FNDC3B: variants seen among roughly 807,000 people sequenced by gnomAD.
The protein encoded by FNDC3B is fibronectin type III domain-containing protein 3B.
FNDC3B carries 12 observed loss-of-function variants against 151.5 expected under a neutral mutation model. That is an observed-to-expected ratio of 0.08 (90% CI 0.05 to 0.13). FNDC3B has a LOEUF of 0.13. Ranked by LOEUF, FNDC3B falls within the 10% of genes least tolerant of loss-of-function variation. FNDC3B has a pLI of 1.00. For missense variants in FNDC3B, 1,214 were observed against 1,505.3 expected, an observed-to-expected ratio of 0.81 and a Z score of 3.20; for synonymous variants, 528 against 549.0, an observed-to-expected ratio of 0.96 and a Z score of 0.54.
chr3:172,202,299 C>A (rs1368832802), intron 3 of FNDC3B, among the ~76,000 whole-genome samples: 1 of 152,140 alleles, frequency 6.6e-6, no homozygotes, highest in Non-Finnish European at 1.5e-5. Context: ...TTGAAAAACA[C>A]AGAAATCTTT....
chr3:172,389,985 G>A (rs1246886439), intron 25 of FNDC3B, among the ~76,000 whole-genome samples: 4 of 152,210 alleles, frequency 2.6e-5, no homozygotes, highest in Non-Finnish European at 5.9e-5. Flanking sequence ...GTCTGTGTGT[G>A]CATCTTAATG....
At chr3:172,220,167 C>CTGTG (rs35182544) in intron 3 of FNDC3B, among the ~76,000 whole-genome samples, 22 of 151,190 alleles carry the variant, frequency 1.5e-4, no homozygotes, top group South Asian at 1.0e-3. Flanking sequence ...TTGTTATTTT[C>CTGTG]TGTGTGTGTG....
chr3:172,361,197 CT>C (rs1469863430), intron 22 of FNDC3B, among the ~76,000 whole-genome samples: 3 of 152,204 alleles, frequency 2.0e-5, no homozygotes, highest in African/African-American at 7.2e-5. Context: ...TTTAATCCTG[CT>C]AATCTCTCTA....
Position 172,172,847 on chromosome 3 carries a change from A to G in FNDC3B, c.187+39301A>G, listed in dbSNP as rs148919983. On this transcript the variant is annotated intron_variant, in intron 3 of 25. Coordinates refer to ENST00000415807, the MANE Select transcript of FNDC3B (RefSeq NM_022763.4). ...AAGGGACCTATTTTGCTTCTTTCAT[A>G]TTCTTCGACATTTCCTCAATGAAAG... is the stretch of plus-strand genomic sequence containing the variant. Among the ~76,000 whole-genome samples, 285 of 152,262 alleles carry G rather than the reference A, an allele frequency of 1.9e-3. 1 individual carries two copies. Among genetic ancestry groups the G allele is most frequent in the African/African-American group, 6.4e-3 (267 of 41,548 alleles).
At chr3:172,280,072 G>A (rs1188293834) in intron 6 of FNDC3B, among the ~76,000 whole-genome samples, 5 of 152,106 alleles carry the variant, frequency 3.3e-5, no homozygotes, top group Admixed American at 2.6e-4. Flanking sequence ...GTGCCACCAA[G>A]CCCAGCTAAT....
intron 22 of FNDC3B, among the ~76,000 whole-genome samples, chr3:172,361,822 T>G (rs1734377400): frequency 6.6e-6 from 1 of 152,112 alleles, no homozygotes; most frequent in South Asian, 2.1e-4. Flanking sequence ...ACCACAGGCA[T>G]GTGTCACTAT....
intron 3 of FNDC3B, among the ~76,000 whole-genome samples, chr3:172,176,243 G>T (rs1360351878): frequency 6.6e-6 from 1 of 152,156 alleles, no homozygotes; most frequent in East Asian, 1.9e-4. Context: ...TAAAGCTTTT[G>T]GTTTCTAAGC....
intron 2 of FNDC3B, among the ~76,000 whole-genome samples, chr3:172,116,307 A>G (rs1720242913): frequency 6.6e-6 from 1 of 152,244 alleles, no homozygotes; most frequent in African/African-American, 2.4e-5. Flanking sequence ...CACTGAAAGT[A>G]TACAATCATT....
intron 3 of FNDC3B, among the ~76,000 whole-genome samples, chr3:172,155,254 C>T (rs1381983341): frequency 1.3e-5 from 2 of 152,176 alleles, no homozygotes; most frequent in Non-Finnish European, 2.9e-5. Flanking sequence ...CAGTAAGTCC[C>T]TCTCGTGGAG....
At chr3:172,107,087 G>A (rs1185396258) in intron 1 of FNDC3B, among the ~76,000 whole-genome samples, 3 of 152,138 alleles carry the variant, frequency 2.0e-5, no homozygotes, top group African/African-American at 7.2e-5. Context: ...CCAGTGGCTT[G>A]CTTTCTTAGG....
intron 23 of FNDC3B, among the ~76,000 whole-genome samples, chr3:172,371,045 A>G (rs1734857558): frequency 6.6e-6 from 1 of 152,120 alleles, no homozygotes; most frequent in African/African-American, 2.4e-5. Flanking sequence ...ACGTGTTTCC[A>G]CCATTATAGT....
chr3:172,201,951 C>T (rs145927825), intron 3 of FNDC3B, among the ~76,000 whole-genome samples: 26 of 152,290 alleles, frequency 1.7e-4, no homozygotes, highest in African/African-American at 5.8e-4. Flanking sequence ...AGCTCTACTT[C>T]GTGCATTTTT....
chr3:172,321,376 T>A (rs114890182), intron 11 of FNDC3B, among the ~76,000 whole-genome samples: 212 of 152,374 alleles, frequency 1.4e-3, no homozygotes, highest in African/African-American at 4.9e-3. Flanking sequence ...ATCTTTATCG[T>A]CTAGGAGTCT....
At chr3:172,076,688 TTC>T (rs1718028432) in intron 1 of FNDC3B, among the ~76,000 whole-genome samples, 2 of 151,002 alleles carry the variant, frequency 1.3e-5, no homozygotes, top group African/African-American at 4.9e-5. Context: ...GAAATTATTT[TTC>T]CTGAGGTTCA....
chr3:172,256,399 A>G (rs1313026531), intron 6 of FNDC3B, among the ~76,000 whole-genome samples: 2 of 152,204 alleles, frequency 1.3e-5, no homozygotes, highest in African/African-American at 4.8e-5. Context: ...ATTTTAGAAC[A>G]GTGCTTGGGC....
intron 17 of FNDC3B, 49 bp from the exon 18 acceptor site, chr3:172,342,962 T>C (rs763625896): frequency 1.7e-6 from 2 of 1,188,752 alleles, no homozygotes; most frequent in South Asian, 2.4e-5. Flanking sequence ...AGAGGTCTGA[T>C]AAATTCACAG....
At chr3:172,371,448 A>T (rs1295297076) in intron 23 of FNDC3B, among the ~76,000 whole-genome samples, 1 of 152,164 alleles carries the variant, frequency 6.6e-6, no homozygotes, top group Admixed American at 6.5e-5. Flanking sequence ...TAAATCACCA[A>T]CATTAAAACT....
intron 3 of FNDC3B, among the ~76,000 whole-genome samples, chr3:172,190,043 A>G (rs1002967255): frequency 6.6e-6 from 1 of 152,202 alleles, no homozygotes; most frequent in Admixed American, 6.5e-5. Context: ...TAGCAAGAGC[A>G]GGAATTGGAA....
At chr3:172,319,371 A>G (rs1182222059) in intron 11 of FNDC3B, among the ~76,000 whole-genome samples, 1 of 152,216 alleles carries the variant, frequency 6.6e-6, no homozygotes, top group Non-Finnish European at 1.5e-5. Flanking sequence ...ATTTGAAAAC[A>G]GATGAACCTC....
Sources: gnomAD v4.1 joint callset for allele counts (sites outside exome capture counted in the v4.1 genomes callset) on GRCh38, gnomAD v4.1.1 for gene constraint, MANE v1.5 for transcripts, NCBI Gene and HGNC (gene_info 2026-07-23, HGNC 2026-07-21) for gene names.